The following CDC14A variants were observed in gnomAD, a reference collection of about 807,000 sequenced individuals.
CDC14A encodes the protein dual specificity protein phosphatase CDC14A.
In CDC14A, 53 loss-of-function variants were observed where a neutral mutation model predicts 74.4. That is an observed-to-expected ratio of 0.71 (90% confidence interval 0.57 to 0.89). CDC14A has a LOEUF of 0.89. Ranked by LOEUF, CDC14A falls within the 40% of genes least tolerant of loss-of-function variation. The pLI, the probability that CDC14A is intolerant of heterozygous loss-of-function variation, is 0.00. For missense variants in CDC14A, 646 were observed against 713.7 expected (o/e 0.91, Z 1.08); for synonymous variants, 247 against 258.4 (o/e 0.96, Z 0.43).
intron 6 of CDC14A, 61 bp from the exon 7 acceptor site, chr1:100,442,873 G>T: frequency 8.9e-7 from 1 of 1,127,108 alleles, no homozygotes; most frequent in African/African-American, 1.5e-5. Flanking sequence ...AGGAGTTCCA[G>T]AAATGATGAG....
chr1:100,403,209 C>T (rs1659507275), intron 4 of CDC14A, among the ~76,000 whole-genome samples: 1 of 152,206 alleles, frequency 6.6e-6, no homozygotes, highest in Non-Finnish European at 1.5e-5. Context: ...CACATACACA[C>T]ACGCCATTCA....
chr1:100,389,703 G>T (rs1657415455), intron 3 of CDC14A, among the ~76,000 whole-genome samples: 2 of 151,922 alleles, frequency 1.3e-5, no homozygotes, highest in Non-Finnish European at 2.9e-5. Flanking sequence ...TTTTAAAGAG[G>T]TTCTAAAAGC....
intron 15 of CDC14A, among the ~76,000 whole-genome samples, chr1:100,510,538 CCCTG>C (rs1200876559): frequency 6.6e-6 from 1 of 152,190 alleles, no homozygotes; most frequent in Admixed American, 6.5e-5. Context: ...CTCTTTCTGA[CCCTG>C]CCTGTTTCCC....
At chr1:100,359,487 G>A (rs1668941917) in intron 2 of CDC14A, among the ~76,000 whole-genome samples, 1 of 152,164 alleles carries the variant, frequency 6.6e-6, no homozygotes, top group African/African-American at 2.4e-5. Context: ...TCTAACTTGG[G>A]TGGTGATGGC....
chr1:100,444,374 A>G (rs1484453351), intron 7 of CDC14A, among the ~76,000 whole-genome samples: 2 of 152,114 alleles, frequency 1.3e-5, no homozygotes, highest in African/African-American at 2.4e-5. Flanking sequence ...GAGTGATCCT[A>G]AAATAGAGTT....
Position 100,380,646 on chromosome 1 carries a change from T to G in CDC14A, c.216+3025T>G, listed in dbSNP as rs116652403. Among the ~76,000 whole-genome samples, 583 of 152,358 alleles carry G rather than the reference T, an allele frequency of 3.8e-3. 5 individuals carry two copies. Among genetic ancestry groups the G allele is most frequent in the African/African-American group, 0.013 (551 of 41,588 alleles). On this transcript the variant is annotated intron_variant, in intron 3 of 15. Coordinates refer to ENST00000336454, the MANE Select transcript of CDC14A (RefSeq NM_003672.4). ...TCTCAGTCCACTGGCACCCTGCTGA[T>G]GTCTCTTGCCTGCAGCCCATGGTCA...
At chr1:100,507,262 T>G (rs1443348598) in intron 15 of CDC14A, among the ~76,000 whole-genome samples, 1 of 152,232 alleles carries the variant, frequency 6.6e-6, no homozygotes, top group Non-Finnish European at 1.5e-5. Flanking sequence ...ACCAGTTTCC[T>G]AATGTAAGCC....
At chr1:100,359,048 A>G (rs1458078705) in intron 2 of CDC14A, among the ~76,000 whole-genome samples, 1 of 152,200 alleles carries the variant, frequency 6.6e-6, no homozygotes, top group Admixed American at 6.5e-5. Flanking sequence ...ATCATTTAGA[A>G]CCTCAATTCT....
At chr1:100,454,231 T>C (rs1239475466) in intron 7 of CDC14A, among the ~76,000 whole-genome samples, 1 of 152,132 alleles carries the variant, frequency 6.6e-6, no homozygotes, top group Non-Finnish European at 1.5e-5. Context: ...AGTTTTCTAC[T>C]GTTGAGGTCC....
At chr1:100,388,927 CA>C (rs1657252038) in intron 3 of CDC14A, among the ~76,000 whole-genome samples, 1 of 152,054 alleles carries the variant, frequency 6.6e-6, no homozygotes, top group Non-Finnish European at 1.5e-5. Flanking sequence ...GTAATCTCAG[CA>C]CTTTGGGAGG....
intron 4 of CDC14A, chr1:100,391,112 T>A: frequency 2.5e-6 from 1 of 400,804 alleles, no homozygotes; most frequent in Non-Finnish European, 4.6e-6. Context: ...AGGACATTTC[T>A]AGGAAAAAAA....
intron 8 of CDC14A, among the ~76,000 whole-genome samples, chr1:100,460,838 C>T (rs751546120): frequency 6.6e-6 from 1 of 152,218 alleles, no homozygotes; most frequent in Non-Finnish European, 1.5e-5. Context: ...ATTCTGTCTT[C>T]ATCCTTTGTG....
chr1:100,455,482 A>C lies in CDC14A; in HGVS notation c.597A>C (p.Lys199Asn). Residue 199 changes from lysine to asparagine, a missense_variant, in exon 8 of 16, where the codon AAA (lysine) becomes AAC (asparagine). By Grantham distance (94) the Lys-to-Asn change is moderately conservative (BLOSUM62 0). Coordinates refer to ENST00000336454, the MANE Select transcript of CDC14A (RefSeq NM_003672.4). ...LAFSGPHPKS[K>N]IENGYPLHAP... ...TTAGTGGACCACATCCTAAAAGCAA[A>C]ATTGAGAATGGTAGGTTTTTTTTTC... The C allele has an allele frequency of 1.3e-6, 2 of 1,582,606 alleles. No homozygotes were observed. Among genetic ancestry groups the C allele is most frequent in the Non-Finnish European group, 8.6e-7 (1 of 1,166,208 alleles).
chr1:100,375,323 G>T (rs1557692818), intron 2 of CDC14A, among the ~76,000 whole-genome samples: 2 of 152,192 alleles, frequency 1.3e-5, no homozygotes. Flanking sequence ...GAAGCTAGGG[G>T]AATGTTGTGT....
chr1:100,416,799 C>T (rs377168850), intron 4 of CDC14A, among the ~76,000 whole-genome samples: 5 of 152,074 alleles, frequency 3.3e-5, no homozygotes, highest in African/African-American at 9.7e-5. Context: ...TTATTCTTCC[C>T]GACAAACAAC....
At chr1:100,468,333 C>A (rs1411189650) in intron 10 of CDC14A, among the ~76,000 whole-genome samples, 6 of 152,152 alleles carry the variant, frequency 3.9e-5, no homozygotes, top group Non-Finnish European at 7.4e-5. Context: ...CTCTGCCTAC[C>A]CTTTTTCTGT....
chr1:100,511,003 C>T (rs1649729724), intron 15 of CDC14A, among the ~76,000 whole-genome samples: 1 of 152,240 alleles, frequency 6.6e-6, no homozygotes, highest in Admixed American at 6.5e-5. Flanking sequence ...CAAAGTTTAT[C>T]TGCATCTGGA....
chr1:100,480,011 T>A (rs1002902800), intron 10 of CDC14A, among the ~76,000 whole-genome samples: 4 of 152,206 alleles, frequency 2.6e-5, no homozygotes, highest in African/African-American at 7.2e-5. Context: ...ACATAAACCT[T>A]ACAATTTTAA....
intron 15 of CDC14A, chr1:100,504,899 C>G: frequency 6.5e-7 from 1 of 1,533,768 alleles, no homozygotes; most frequent in African/African-American, 1.4e-5. Context: ...TAAATAAAGA[C>G]ATATATTACC....
Sources: gnomAD v4.1 joint callset for allele counts (sites outside exome capture counted in the v4.1 genomes callset) on GRCh38, gnomAD v4.1.1 for gene constraint, MANE v1.5 for transcripts, NCBI Gene and HGNC (gene_info 2026-07-23, HGNC 2026-07-21) for gene names.